Variants in ATRNL1 observed in about 807,000 individuals in gnomAD.
ATRNL1 encodes the protein attractin-like protein 1.
A neutral mutation model predicts 182.7 loss-of-function variants in ATRNL1; 95 were observed. The observed-to-expected ratio is 0.52, with a 90% CI of 0.44 to 0.62. ATRNL1 has a LOEUF of 0.62. ATRNL1 is among the 20% of genes least tolerant of loss of function. ATRNL1 has a pLI of 0.00. For missense variants in ATRNL1, 1,471 were observed against 1,679.5 expected (o/e 0.88, Z 2.17); for synonymous variants, 576 against 568.3 (o/e 1.01, Z -0.19).
At chr10:115,504,018 CAAGA>C (rs1284574232) in intron 24 of ATRNL1, among the ~76,000 whole-genome samples, 5 of 151,490 alleles carry the variant, frequency 3.3e-5, no homozygotes, top group African/African-American at 1.2e-4. Context: ...CACTTTTTTT[CAAGA>C]AAGAATGTTT....
chr10:115,370,911 T>G (rs1857360415), intron 19 of ATRNL1, among the ~76,000 whole-genome samples: 1 of 152,078 alleles, frequency 6.6e-6, no homozygotes, highest in Non-Finnish European at 1.5e-5. Flanking sequence ...GAGGAAAACA[T>G]TTTTTGTAGG....
chr10:115,931,224 C>T (rs1953384793), intron 28 of ATRNL1, among the ~76,000 whole-genome samples: 1 of 151,856 alleles, frequency 6.6e-6, no homozygotes, highest in Non-Finnish European at 1.5e-5. Flanking sequence ...TTTAGTAATC[C>T]CAAATTACTA....
intron 10 of ATRNL1, among the ~76,000 whole-genome samples, chr10:115,261,345 T>C (rs1397556757): frequency 6.6e-6 from 1 of 152,182 alleles, no homozygotes; most frequent in Non-Finnish European, 1.5e-5. Context: ...GGATTATATC[T>C]CCTATTGAAG....
intron 27 of ATRNL1, among the ~76,000 whole-genome samples, chr10:115,741,043 T>C (rs1373103977): frequency 6.6e-6 from 1 of 152,164 alleles, no homozygotes; most frequent in Non-Finnish European, 1.5e-5. Context: ...ACAAACTCTA[T>C]ATACTATGAA....
intron 25 of ATRNL1, among the ~76,000 whole-genome samples, chr10:115,541,388 A>T (rs1852352104): frequency 6.6e-6 from 1 of 152,192 alleles, no homozygotes; most frequent in Non-Finnish European, 1.5e-5. Flanking sequence ...AGTGGATAAA[A>T]AGAAAAAGAC....
chr10:115,430,826 G>A (rs187967880), intron 21 of ATRNL1, among the ~76,000 whole-genome samples: 1 of 152,112 alleles, frequency 6.6e-6, no homozygotes, highest in Admixed American at 6.5e-5. Flanking sequence ...GGGTGCCGTG[G>A]GCATCTCATG....
chr10:115,819,880 T>C (rs1950251926), intron 27 of ATRNL1: 1 of 151,242 alleles, frequency 6.6e-6, no homozygotes, highest in Non-Finnish European at 1.5e-5. Flanking sequence ...TAAACTAGAA[T>C]TCTATTTCCA....
chr10:115,461,523 G>A (rs1847796502), intron 21 of ATRNL1, among the ~76,000 whole-genome samples: 1 of 151,950 alleles, frequency 6.6e-6, no homozygotes, highest in Non-Finnish European at 1.5e-5. Flanking sequence ...AGAATTTTGA[G>A]TTTGTGAAAG....
intron 21 of ATRNL1, among the ~76,000 whole-genome samples, chr10:115,455,706 G>A (rs1847491893): frequency 6.6e-6 from 1 of 152,114 alleles, no homozygotes. Context: ...GCAGCCTACA[G>A]AATGGGAGAA....
At chr10:115,799,701 G>C (rs145566879) in intron 27 of ATRNL1, among the ~76,000 whole-genome samples, 213 of 152,272 alleles carry the variant, frequency 1.4e-3, no homozygotes, top group African/African-American at 4.8e-3. Flanking sequence ...CAGATGTCCA[G>C]TTGCACAGGC....
In ATRNL1 at chr10:115,709,762, G is replaced by C. The variant is rs1947008712; in HGVS notation, c.3796-17486G>C. Among the ~76,000 whole-genome samples the C allele has an allele frequency of 2.6e-5, 4 of 151,934 alleles. No individual in the cohort carries two copies. In the South Asian group the frequency reaches 8.3e-4, roughly 31 times the overall value. ...ACCCAAATTATTTAATTATCACAAT[G>C]TTGTTATTCAAATCCTGCACATCCT... On this transcript the variant is annotated intron_variant, in intron 26 of 28. Coordinates refer to ENST00000355044, the MANE Select transcript of ATRNL1 (RefSeq NM_207303.4).
At chr10:115,605,891 C>T (rs1237361977) in intron 26 of ATRNL1, among the ~76,000 whole-genome samples, 1 of 151,834 alleles carries the variant, frequency 6.6e-6, no homozygotes, top group Non-Finnish European at 1.5e-5. Context: ...AATCCTAATT[C>T]CTACAGACTG....
intron 28 of ATRNL1, among the ~76,000 whole-genome samples, chr10:115,874,674 C>T (rs1951660621): frequency 6.6e-6 from 1 of 152,158 alleles, no homozygotes; most frequent in Non-Finnish European, 1.5e-5. Context: ...TAAATGGAGT[C>T]AGCAGAACCT....
rs527852793 is a variant in ATRNL1 at position 115,647,572 on chromosome 10, G to A, written c.3796-79676G>A. On this transcript the variant is annotated intron_variant, in intron 26 of 28. Coordinates refer to ENST00000355044, the MANE Select transcript of ATRNL1 (RefSeq NM_207303.4). ...CCAGCGATGATGAGCATTTTTTCATGTGTCTGTTGGCTGCCTAAATGTCTT... is the reference window on the plus strand; with the variant it reads ...CCAGCGATGATGAGCATTTTTTCATATGTCTGTTGGCTGCCTAAATGTCTT... Among the ~76,000 whole-genome samples, 123 of 152,092 alleles carry A rather than the reference G, an allele frequency of 8.1e-4. No homozygotes were observed. The Middle Eastern group carries it at 0.01, about 13-fold the overall frequency.
At chr10:115,811,552 G>A (rs1257904179) in intron 27 of ATRNL1, among the ~76,000 whole-genome samples, 4 of 151,954 alleles carry the variant, frequency 2.6e-5, no homozygotes, top group Non-Finnish European at 2.9e-5. Flanking sequence ...AGAGAGGAGT[G>A]TTAAAAATCT....
At chr10:115,758,738 TC>T (rs563213274) in intron 27 of ATRNL1, among the ~76,000 whole-genome samples, 169 of 152,240 alleles carry the variant, frequency 1.1e-3, no homozygotes, top group African/African-American at 3.9e-3. Context: ...AGCCGCCCCT[TC>T]CCCCAGGTGC....
intron 26 of ATRNL1, among the ~76,000 whole-genome samples, chr10:115,688,769 A>G (rs1412303436): frequency 6.6e-6 from 1 of 151,740 alleles, no homozygotes; most frequent in East Asian, 1.9e-4. Flanking sequence ...TGGTCTATTC[A>G]CTCTGCTGAT....
At chr10:115,224,212 G>C (rs1196885294) in intron 9 of ATRNL1, among the ~76,000 whole-genome samples, 4 of 151,612 alleles carry the variant, frequency 2.6e-5, no homozygotes, top group Non-Finnish European at 5.9e-5. Context: ...TGGGATTACA[G>C]GTGTGAGCCA....
At chr10:115,315,813 G>A in intron 18 of ATRNL1, 77 bp downstream of exon 18, 2 of 1,245,560 alleles carry the variant, frequency 1.6e-6, no homozygotes, top group South Asian at 1.5e-5. Context: ...TTATAATAAA[G>A]AAAATTTAGC....
Sources: gnomAD v4.1 joint callset for allele counts (sites outside exome capture counted in the v4.1 genomes callset) on GRCh38, gnomAD v4.1.1 for gene constraint, MANE v1.5 for transcripts, NCBI Gene and HGNC (gene_info 2026-07-23, HGNC 2026-07-21) for gene names.